VPS13B: variants seen among roughly 807,000 people sequenced by gnomAD.
VPS13B encodes intermembrane lipid transfer protein VPS13B.
Under a neutral mutation model 426.4 loss-of-function variants are expected in VPS13B, and 285 were observed. The observed-to-expected ratio is 0.67, with a 90% CI of 0.61 to 0.74. The LOEUF is 0.74. Ranked by LOEUF, VPS13B falls within the 30% of genes least tolerant of loss-of-function variation. The probability of loss-of-function intolerance (pLI) is 0.00; values close to 1 mark genes in which losing one functional copy is unlikely to be tolerated. For missense variants in VPS13B, 4,537 were observed against 4,782.6 expected, an observed-to-expected ratio of 0.95 and a Z score of 1.51; for synonymous variants, 1,676 against 1,676.4, an observed-to-expected ratio of 1.00 and a Z score of 0.01.
chr8:99,751,299 C>T (rs1351609445), intron 39 of VPS13B, among the ~76,000 whole-genome samples: 1 of 152,042 alleles, frequency 6.6e-6, no homozygotes, highest in Non-Finnish European at 1.5e-5. Flanking sequence ...TTTTCATCAG[C>T]TCTACAGTAT....
At chr8:99,504,350 C>T (rs1821389359) in intron 27 of VPS13B, among the ~76,000 whole-genome samples, 1 of 152,164 alleles carries the variant, frequency 6.6e-6, no homozygotes. Context: ...ATAAATTACC[C>T]AGTCTCAGGT....
At chr8:99,587,444 G>GT (rs372328048) in intron 33 of VPS13B, among the ~76,000 whole-genome samples, 4 of 151,808 alleles carry the variant, frequency 2.6e-5, no homozygotes, top group African/African-American at 9.7e-5. Context: ...CACCAACAGT[G>GT]TAAAAGTGTT....
intron 21 of VPS13B, among the ~76,000 whole-genome samples, chr8:99,406,260 A>G (rs932737814): frequency 2.7e-5 from 4 of 150,888 alleles, no homozygotes; most frequent in Non-Finnish European, 5.9e-5. Context: ...TCTAGAATAT[A>G]TCTCAAGGGC....
Position 99,235,895 on chromosome 8 carries a change from A to T in VPS13B, c.2516-38303A>T, listed in dbSNP as rs562010250. ...CCCTTCTACAGTAGAAAACAATGGT[A>T]ACCACTTATTTATTTCATTGTCAAT... On this transcript the variant is annotated intron_variant, in intron 17 of 61. Coordinates refer to ENST00000357162, the MANE Select transcript of VPS13B (RefSeq NM_152564.5). 6.6e-5 allele frequency among the ~76,000 whole-genome samples: 10 copies of T among 152,366 alleles called. No homozygotes were observed. The East Asian group carries it at 1.5e-3, about 23-fold the overall frequency.
At chr8:99,487,570 A>T (rs1326466835) in intron 25 of VPS13B, among the ~76,000 whole-genome samples, 3 of 152,112 alleles carry the variant, frequency 2.0e-5, no homozygotes, top group Non-Finnish European at 4.4e-5. Context: ...ATCATCCCAG[A>T]CAGAATCTCT....
intron 21 of VPS13B, among the ~76,000 whole-genome samples, chr8:99,423,159 G>T (rs927534266): frequency 1.3e-5 from 2 of 151,734 alleles, no homozygotes; most frequent in African/African-American, 4.8e-5. Flanking sequence ...TACCACTGAT[G>T]CTGAATATCT....
chr8:99,073,722 T>C (rs1844958827), intron 3 of VPS13B, among the ~76,000 whole-genome samples: 1 of 140,286 alleles, frequency 7.1e-6, no homozygotes, highest in Non-Finnish European at 1.6e-5. Flanking sequence ...TTTTTTTTGG[T>C]GTGGAAACCC....
At chr8:99,208,599 C>CAG (rs35015379) in intron 17 of VPS13B, among the ~76,000 whole-genome samples, 112,134 of 151,658 alleles carry the variant, frequency 0.74, 42,109 homozygotes, top group South Asian at 0.86. Context: ...CTCTTTACCA[C>CAG]AGAGATTTAT....
intron 33 of VPS13B, among the ~76,000 whole-genome samples, chr8:99,581,203 G>A (rs560449132): frequency 6.6e-6 from 1 of 151,888 alleles, no homozygotes; most frequent in Non-Finnish European, 1.5e-5. Flanking sequence ...AGTATAATAT[G>A]ATAGGGGGAT....
intron 3 of VPS13B, among the ~76,000 whole-genome samples, chr8:99,071,426 G>A (rs1276054064): frequency 6.6e-6 from 1 of 152,142 alleles, no homozygotes; most frequent in Non-Finnish European, 1.5e-5. Context: ...AGAATACCCT[G>A]GATTACTGAG....
At chr8:99,048,579 C>T (rs373262540) in intron 3 of VPS13B, among the ~76,000 whole-genome samples, 26 of 152,210 alleles carry the variant, frequency 1.7e-4, no homozygotes, top group African/African-American at 4.6e-4. Context: ...CTTTGGGAGG[C>T]CGAGACGGGC....
At chr8:99,438,439 AT>A (rs2133429733) in intron 22 of VPS13B, among the ~76,000 whole-genome samples, 1 of 152,332 alleles carries the variant, frequency 6.6e-6, no homozygotes, top group South Asian at 2.1e-4. Flanking sequence ...AAGATTTTAT[AT>A]TTAATCCTTA....
At chr8:99,498,489 C>A (rs1487254658) in intron 25 of VPS13B, among the ~76,000 whole-genome samples, 1 of 151,218 alleles carries the variant, frequency 6.6e-6, no homozygotes, top group African/African-American at 2.4e-5. Flanking sequence ...ATGTAACAAA[C>A]CTGCATGTTG....
intron 33 of VPS13B, among the ~76,000 whole-genome samples, chr8:99,580,984 A>AAAACAC (rs748431453): frequency 7.9e-6 from 1 of 126,620 alleles, no homozygotes; most frequent in African/African-American, 3.0e-5. Context: ...ATCTCTACAA[A>AAAACAC]ACACACACAC....
intron 39 of VPS13B, among the ~76,000 whole-genome samples, chr8:99,744,026 G>A (rs1427878414): frequency 6.6e-6 from 1 of 152,136 alleles, no homozygotes; most frequent in Non-Finnish European, 1.5e-5. Flanking sequence ...ACTACCATCA[G>A]AGTGAACAGG....
intron 33 of VPS13B, among the ~76,000 whole-genome samples, chr8:99,631,794 C>G (rs1336871764): frequency 6.6e-6 from 1 of 151,540 alleles, no homozygotes; most frequent in Non-Finnish European, 1.5e-5. Flanking sequence ...AAGGTAAAAG[C>G]TTGGTTTTTT....
intron 3 of VPS13B, among the ~76,000 whole-genome samples, chr8:99,077,055 G>T (rs1045574155): frequency 6.6e-6 from 1 of 152,046 alleles, no homozygotes; most frequent in Non-Finnish European, 1.5e-5. Context: ...GTGTTTTCAT[G>T]ATGGTGGATA....
chr8:99,738,387 A>G (rs186933929), intron 39 of VPS13B, among the ~76,000 whole-genome samples: 9 of 152,338 alleles, frequency 5.9e-5, no homozygotes, highest in Non-Finnish European at 1.2e-4. Flanking sequence ...GTATATCTGT[A>G]TAATATAACA....
chr8:99,246,127 A>C (rs1817202784), intron 17 of VPS13B, among the ~76,000 whole-genome samples: 1 of 152,232 alleles, frequency 6.6e-6, no homozygotes, highest in South Asian at 2.1e-4. Flanking sequence ...GCCAAAAATC[A>C]ATGGGTTCAA....
Sources: gnomAD v4.1 joint callset for allele counts (sites outside exome capture counted in the v4.1 genomes callset) on GRCh38, gnomAD v4.1.1 for gene constraint, MANE v1.5 for transcripts, NCBI Gene and HGNC (gene_info 2026-07-23, HGNC 2026-07-21) for gene names.